PCDH15: variants seen among roughly 807,000 people sequenced by gnomAD.
PCDH15 encodes the protein protocadherin-15.
In PCDH15, 129 loss-of-function variants were observed where a neutral mutation model predicts 178.5. That is an observed-to-expected ratio of 0.72 (90% CI 0.63 to 0.84). The LOEUF (loss-of-function observed/expected upper bound fraction) is 0.84. Ranked by LOEUF, PCDH15 falls within the 40% of genes least tolerant of loss-of-function variation. The pLI, the probability that PCDH15 is intolerant of heterozygous loss-of-function variation, is 0.00. For synonymous variants in PCDH15, 800 were observed against 732.0 expected (o/e 1.09, Z -1.50); for missense variants, 2,230 against 2,099.9 (o/e 1.06, Z -1.21).
chr10:55,203,109 T>TA (rs1357244103), intron 1 of PCDH15, among the ~76,000 whole-genome samples: 2 of 152,102 alleles, frequency 1.3e-5, no homozygotes, highest in African/African-American at 4.8e-5. Flanking sequence ...CAGCATGCCC[T>TA]AGTGCCCTCC....
intron 1 of PCDH15, among the ~76,000 whole-genome samples, chr10:55,280,785 T>C (rs2132257139): frequency 6.6e-6 from 1 of 152,306 alleles, no homozygotes; most frequent in Non-Finnish European, 1.5e-5. Context: ...TTCACATTTA[T>C]AAATTGTCCT....
At chr10:54,096,410 C>T (rs959985902) in intron 15 of PCDH15, among the ~76,000 whole-genome samples, 2 of 152,188 alleles carry the variant, frequency 1.3e-5, no homozygotes, top group African/African-American at 2.4e-5. Flanking sequence ...TAAAGTCATA[C>T]TCTACACTAT....
At chr10:54,146,705 A>T (rs2043939373) in intron 14 of PCDH15, among the ~76,000 whole-genome samples, 1 of 151,128 alleles carries the variant, frequency 6.6e-6, no homozygotes, top group African/African-American at 2.4e-5. Context: ...TTCATATTGG[A>T]CTTATTTTCA....
intron 10 of PCDH15, among the ~76,000 whole-genome samples, chr10:54,211,575 T>C (rs186861565): frequency 1.6e-3 from 237 of 152,194 alleles, no homozygotes; most frequent in African/African-American, 5.2e-3. Context: ...CTCTAATTTG[T>C]GGCACTCACC....
At chr10:54,355,892 C>T (rs150367245) in intron 5 of PCDH15, among the ~76,000 whole-genome samples, 40 of 152,022 alleles carry the variant, frequency 2.6e-4, no homozygotes, top group African/African-American at 7.0e-4. Flanking sequence ...ATTCAATAAG[C>T]GCTCAAGGAG....
intron 20 of PCDH15, among the ~76,000 whole-genome samples, chr10:54,001,789 TAAAGAAA>T (rs1440028071): frequency 1.3e-5 from 2 of 151,566 alleles, no homozygotes; most frequent in South Asian, 2.1e-4. Flanking sequence ...ATGAACGGAT[TAAAGAAA>T]AAAAAGACAA....
chr10:55,132,191 T>C (rs1838070020), intron 2 of PCDH15, among the ~76,000 whole-genome samples: 1 of 152,162 alleles, frequency 6.6e-6, no homozygotes, highest in Non-Finnish European at 1.5e-5. Context: ...ACCACTGCCA[T>C]CACAATTGCT....
chr10:54,334,217 G>C (rs1030020853), intron 6 of PCDH15, among the ~76,000 whole-genome samples: 1 of 152,114 alleles, frequency 6.6e-6, no homozygotes, highest in Non-Finnish European at 1.5e-5. Context: ...TCAAATAAGG[G>C]ACAATTCTCC....
chr10:54,949,026 T>C (rs995307818), intron 2 of PCDH15, among the ~76,000 whole-genome samples: 1 of 151,938 alleles, frequency 6.6e-6, no homozygotes, highest in Non-Finnish European at 1.5e-5. Flanking sequence ...TATTTACTAA[T>C]AATCTAGTGA....
At position 54,752,373 on chromosome 10, in the gene PCDH15, A is replaced by C. The variant is rs1946365948; in HGVS notation, c.-29+48552T>G. Among the ~76,000 whole-genome samples, 2 of 151,248 alleles carry C rather than the reference A, an allele frequency of 1.3e-5. 1 individual carries two copies. Among genetic ancestry groups the C allele is most frequent in the South Asian group, 4.2e-4 (2 of 4,768 alleles). The stretch of plus-strand genomic sequence containing the variant: ...GCGCCTGTAGTCCCAGCTACTCTGG[A>C]GGCTGAGGCAGGAGAATGGCGTGAA... On this transcript the variant is annotated intron_variant, in intron 1 of 37. Coordinates refer to ENST00000644397, the MANE Select transcript of PCDH15 (RefSeq NM_001384140.1).
At chr10:54,630,037 G>A (rs748805893) in intron 2 of PCDH15, among the ~76,000 whole-genome samples, 1 of 152,100 alleles carries the variant, frequency 6.6e-6, no homozygotes, top group Non-Finnish European at 1.5e-5. Flanking sequence ...CAAAGGAGAT[G>A]AAAGATTTCT....
chr10:54,920,972 G>A (rs1837471602), intron 2 of PCDH15, among the ~76,000 whole-genome samples: 1 of 152,152 alleles, frequency 6.6e-6, no homozygotes, highest in African/African-American at 2.4e-5. Flanking sequence ...AAATCATACT[G>A]CCTGCCAATG....
At chr10:54,815,223 AG>A (rs1472897220) in intron 3 of PCDH15, among the ~76,000 whole-genome samples, 1 of 152,068 alleles carries the variant, frequency 6.6e-6, no homozygotes, top group Admixed American at 6.6e-5. Context: ...TTAAGAAAAA[AG>A]TATGGCATGA....
chr10:55,626,143 G>A (rs1414809792), intron 2 of PCDH15, among the ~76,000 whole-genome samples: 1 of 151,104 alleles, frequency 6.6e-6, no homozygotes, highest in Admixed American at 6.6e-5. Flanking sequence ...AAGAGAGAGA[G>A]AAAGAGAGAG....
At chr10:55,013,697 T>C (rs1052776120) in intron 2 of PCDH15, among the ~76,000 whole-genome samples, 4 of 152,180 alleles carry the variant, frequency 2.6e-5, no homozygotes, top group Non-Finnish European at 4.4e-5. Context: ...GATTATTCAA[T>C]TAACATCTGT....
chr10:53,808,669 A>ACTTCCACCTACTGTGATCTCTTTC (rs755477667), intron 37 of PCDH15: 23 of 1,603,332 alleles, frequency 1.4e-5, no homozygotes, highest in East Asian at 1.3e-4. Flanking sequence ...TCACAGCAAA[A>ACTTCCACCTACTGTGATCTCTTTC]CTTCCACCTA....
chr10:55,433,128 A>G (rs1166270310), intron 2 of PCDH15, among the ~76,000 whole-genome samples: 2 of 152,334 alleles, frequency 1.3e-5, no homozygotes, highest in East Asian at 1.9e-4. Flanking sequence ...AAGTTGGTCT[A>G]CCATAAAGAC....
At chr10:53,912,409 C>G (rs1416591360) in intron 25 of PCDH15, among the ~76,000 whole-genome samples, 5 of 152,188 alleles carry the variant, frequency 3.3e-5, no homozygotes, top group Non-Finnish European at 5.9e-5. Context: ...TCTCTTAACA[C>G]TCCTATTCAA....
At chr10:54,616,796 T>A (rs77743618) in intron 2 of PCDH15, among the ~76,000 whole-genome samples, 5,078 of 152,178 alleles carry the variant, frequency 0.033, 256 homozygotes, top group African/African-American at 0.11. Flanking sequence ...TTCAGCTACA[T>A]GGAGGCTATA....
Sources: gnomAD v4.1 joint callset for allele counts (sites outside exome capture counted in the v4.1 genomes callset) on GRCh38, gnomAD v4.1.1 for gene constraint, MANE v1.5 for transcripts, NCBI Gene and HGNC (gene_info 2026-07-23, HGNC 2026-07-21) for gene names.